The following AOX1 variants were observed in gnomAD, a reference collection of about 807,000 sequenced individuals.
AOX1 encodes the protein aldehyde oxidase 1, also known as aldehyde oxidase.
AOX1 carries 153 observed loss-of-function variants against 169.5 expected under a neutral mutation model. That is an observed-to-expected ratio of 0.90 (90% confidence interval 0.79 to 1.03). The LOEUF is 1.03. AOX1 is among the 50% of genes least tolerant of loss of function. AOX1 has a pLI of 0.00. For synonymous variants in AOX1, 562 were observed against 581.9 expected, an observed-to-expected ratio of 0.97 and a Z score of 0.49; for missense variants, 1,656 against 1,663.9, an observed-to-expected ratio of 1.00 and a Z score of 0.08.
intron 28 of AOX1, among the ~76,000 whole-genome samples, chr2:200,659,597 C>T (rs113667938): frequency 2.6e-5 from 4 of 152,194 alleles, no homozygotes; most frequent in South Asian, 2.1e-4. Flanking sequence ...TCCCCAGGGC[C>T]GATGCAGGAC....
intron 26 of AOX1, among the ~76,000 whole-genome samples, chr2:200,655,532 A>G (rs528720708): frequency 3.3e-5 from 5 of 152,304 alleles, no homozygotes; most frequent in Admixed American, 6.5e-5. Context: ...GCCTTCCTCA[A>G]GAGTCTAAGT....
At chr2:200,675,992 T>G (rs985062425), downstream of AOX1, among the ~76,000 whole-genome samples, 2 of 152,022 alleles carry the variant, frequency 1.3e-5, no homozygotes, top group African/African-American at 2.4e-5. Context: ...GAGTTCACTT[T>G]TTAGAAACTA....
At chr2:200,634,164 A>ATTTTTTTTTTTTTTTTTT (rs58341876) in intron 20 of AOX1, among the ~76,000 whole-genome samples, 14 of 84,970 alleles carry the variant, frequency 1.6e-4, no homozygotes, top group East Asian at 4.4e-4. Flanking sequence ...TTTCTTGAGG[A>ATTTTTTTTTTTTTTTTTT]TTTTTTTTTT....
chr2:200,662,264 C>T (rs2105770841), intron 30 of AOX1, among the ~76,000 whole-genome samples: 1 of 152,284 alleles, frequency 6.6e-6, no homozygotes, highest in African/African-American at 2.4e-5. Context: ...ATGGCCACCT[C>T]CAGGTTGCAG....
intron 26 of AOX1, among the ~76,000 whole-genome samples, chr2:200,654,457 G>A (rs936622833): frequency 2.0e-5 from 3 of 152,192 alleles, no homozygotes; most frequent in Non-Finnish European, 2.9e-5. Flanking sequence ...GTACAGTGTA[G>A]CATAAACACT....
At chr2:200,655,490 A>T (rs1331479843) in intron 26 of AOX1, among the ~76,000 whole-genome samples, 1 of 152,176 alleles carries the variant, frequency 6.6e-6, no homozygotes, top group African/African-American at 2.4e-5. Flanking sequence ...CATCTTCCCA[A>T]GGTCCTTGGG....
intron 5 of AOX1, among the ~76,000 whole-genome samples, chr2:200,600,439 G>A (rs1310760670): frequency 1.3e-5 from 2 of 151,292 alleles, no homozygotes; most frequent in East Asian, 2.0e-4. Flanking sequence ...ACCCTAGAGC[G>A]TTTTTGTCAA....
chr2:200,627,514 T>C, intron 20 of AOX1, 65 bp downstream of exon 20: 1 of 1,204,170 alleles, frequency 8.3e-7, no homozygotes, highest in Non-Finnish European at 1.2e-6. Flanking sequence ...TAAGGCTTCC[T>C]TTGTCTTCTG....
chr2:200,660,044 A>C lies in AOX1; in HGVS notation c.3350A>C (p.Asn1117Thr), dbSNP rs2105768504. 1 of 1,613,970 alleles carries C rather than the reference A, an allele frequency of 6.2e-7. No homozygotes were observed. The highest frequency in any genetic ancestry group is 2.2e-5 in the East Asian group (1 of 44,870). ...CGCCTCGAACCCATCATCAGCAAGAATCCTAAAGGAACTTGGAAAGACTGG... is the reference window on the plus strand; with the variant it reads ...CGCCTCGAACCCATCATCAGCAAGACTCCTAAAGGAACTTGGAAAGACTGG... ...LKRLEPIISKNPKGTWKDWAQ... is the reference protein window; with the variant it reads ...LKRLEPIISKTPKGTWKDWAQ... The change falls in exon 29 of 35, where the codon AAT (asparagine) becomes ACT (threonine). Residue 1117 changes from asparagine (N) to threonine (T), a missense_variant. By Grantham distance (65) the Asn-to-Thr change is moderately conservative (BLOSUM62 0). Transcript: ENST00000374700.
intron 28 of AOX1, among the ~76,000 whole-genome samples, chr2:200,659,573 C>T (rs1163601129): frequency 6.6e-6 from 1 of 152,206 alleles, no homozygotes; most frequent in Non-Finnish European, 1.5e-5. Context: ...CACTTTAAGA[C>T]AGGCTCGCGC....
rs182567553 is a variant in AOX1 at position 200,611,358 on chromosome 2, A to G, written c.1154-26A>G. On this transcript the variant is annotated intron_variant, in intron 12 of 34. Coordinates refer to ENST00000374700, the MANE Select transcript of AOX1 (RefSeq NM_001159.4). ...TTATTTAACAGACCAAACAGATCCCAGGGAAAGTGTCATTTCTTTCCACAG... is the reference window on the plus strand; with the variant it reads ...TTATTTAACAGACCAAACAGATCCCGGGGAAAGTGTCATTTCTTTCCACAG... 22 of 1,507,320 alleles carry G rather than the reference A, an allele frequency of 1.5e-5. No individual in the cohort carries two copies. The Admixed American group carries it at 3.0e-4, about 21-fold the overall frequency. 93.4% of individuals were successfully genotyped at this position (1,507,320 alleles called of 1,614,324 possible). A position where few individuals can be genotyped will look rare whatever the true frequency, so the allele number is the denominator to read the frequency against.
At chr2:200,668,881 G>A in intron 33 of AOX1, 78 bp downstream of exon 33, 1 of 1,265,736 alleles carries the variant, frequency 7.9e-7, no homozygotes, top group Non-Finnish European at 1.1e-6. Flanking sequence ...TTCCTCTCTT[G>A]GCTGTTTGGG....
At chr2:200,629,191 C>A (rs1246406935) in intron 20 of AOX1, among the ~76,000 whole-genome samples, 1 of 152,210 alleles carries the variant, frequency 6.6e-6, no homozygotes, top group East Asian at 1.9e-4. Context: ...ACACCTGGAA[C>A]TGTCACCTAC....
At chr2:200,604,413 A>C (rs1003983127) in intron 8 of AOX1, among the ~76,000 whole-genome samples, 5 of 152,224 alleles carry the variant, frequency 3.3e-5, no homozygotes, top group Non-Finnish European at 7.3e-5. Flanking sequence ...AGAATGATTT[A>C]ACAAGATTCA....
At chr2:200,673,816 T>A (rs566200767), downstream of AOX1, among the ~76,000 whole-genome samples, 1 of 152,214 alleles carries the variant, frequency 6.6e-6, no homozygotes, top group Non-Finnish European at 1.5e-5. Flanking sequence ...TCATGTTCCC[T>A]TCCCTTTTCC....
At chr2:200,599,833 G>A in intron 5 of AOX1, 87 bp downstream of exon 5, 1 of 1,125,050 alleles carries the variant, frequency 8.9e-7, no homozygotes, top group South Asian at 3.1e-5. Flanking sequence ...TGCCCGGGCT[G>A]GAGGGCGGCG....
intron 8 of AOX1, 76 bp downstream of exon 8, chr2:200,604,173 C>A (rs757007070): frequency 9.1e-6 from 10 of 1,104,150 alleles, no homozygotes; most frequent in Non-Finnish European, 1.4e-5. Context: ...TTTATGGGTT[C>A]TCTCAAAAGC....
chr2:200,617,276 T>C (rs2034779978), intron 16 of AOX1, among the ~76,000 whole-genome samples: 1 of 152,174 alleles, frequency 6.6e-6, no homozygotes, highest in Non-Finnish European at 1.5e-5. Context: ...AACATCCACA[T>C]TGCTAGAGCA....
rs542894390 is a variant in AOX1 at position 200,643,460 on chromosome 2, G to C, written c.2847+659G>C. Among the ~76,000 whole-genome samples the C allele has an allele frequency of 1.7e-3, 260 of 151,748 alleles. 2 individuals are homozygous for C. Among genetic ancestry groups the C allele is most frequent in the African/African-American group, 5.8e-3 (241 of 41,342 alleles). ...CAGTTTCTTTATCCACTCATTGATT[G>C]GTGGGCATTTGGGTTGGTTCCAAGA... On this transcript the variant is annotated intron_variant, in intron 25 of 34. Coordinates refer to ENST00000374700, the MANE Select transcript of AOX1 (RefSeq NM_001159.4).
Sources: allele counts gnomAD v4.1 joint callset (sites outside exome capture counted in the v4.1 genomes callset), GRCh38; gene constraint gnomAD v4.1.1; transcripts MANE v1.5; gene names NCBI Gene and HGNC (gene_info 2026-07-23, HGNC 2026-07-21).